Variants in STK31 observed in about 807,000 individuals in gnomAD.
STK31 encodes serine/threonine kinase 31.
Under a neutral mutation model 129.7 loss-of-function variants are expected in STK31, and 89 were observed. The ratio of observed to expected loss-of-function variants is 0.69; its 90% confidence interval spans 0.58 to 0.82. The LOEUF (loss-of-function observed/expected upper bound fraction) is 0.82, where lower values mean the gene tolerates loss of function less well. Ranked by LOEUF, STK31 falls within the 40% of genes least tolerant of loss-of-function variation. STK31 has a pLI of 0.00. For synonymous variants in STK31, 448 were observed against 395.3 expected (o/e 1.13, Z -1.58); for missense variants, 1,187 against 1,176.4 (o/e 1.01, Z -0.13).
At chr7:23,787,473 G>A (rs1190079610) in intron 20 of STK31, among the ~76,000 whole-genome samples, 2 of 152,094 alleles carry the variant, frequency 1.3e-5, no homozygotes, top group South Asian at 2.1e-4. Flanking sequence ...TTAAGAACAG[G>A]GCGGCACAGC....
rs191445236 is a variant in STK31 at position 23,761,513 on chromosome 7, C to T, written c.1294-1288C>T. 9.2e-3 allele frequency among the ~76,000 whole-genome samples: 1,390 copies of T among 150,900 alleles called. 25 individuals carry two copies. Among genetic ancestry groups the T allele is most frequent in the African/African-American group, 0.033 (1,341 of 41,152 alleles). On this transcript the variant is annotated intron_variant, in intron 10 of 23. Transcript: ENST00000355870. ...TCGGCTCACTGCAAGTTCTGCCTTC[C>T]GGGTTCGTGCCATTCTGCTGCCTCA...
intron 22 of STK31, among the ~76,000 whole-genome samples, chr7:23,805,657 AT>A (rs200548733): frequency 0.016 from 2,394 of 150,994 alleles, 83 homozygotes; most frequent in African/African-American, 0.055. Flanking sequence ...TCATTTTTGA[AT>A]TTTTTTTGTA....
At chr7:23,710,126 C>A, upstream of STK31, 1 of 1,323,580 alleles carries the variant, frequency 7.6e-7, no homozygotes, top group Non-Finnish European at 1.0e-6. Flanking sequence ...CCGCACGCTT[C>A]TTCCTAGGCG....
At chr7:23,752,350 AT>A (rs140189040) in intron 8 of STK31, among the ~76,000 whole-genome samples, 56,771 of 140,586 alleles carry the variant, frequency 0.4, 10,526 homozygotes, top group African/African-American at 0.43. Context: ...CAAATTTGGA[AT>A]TTTTTTTTTT....
chr7:23,754,111 TATTAA>T (rs769387055), intron 9 of STK31, among the ~76,000 whole-genome samples, 199 bp from the exon 10 acceptor site: 80 of 152,342 alleles, frequency 5.3e-4, no homozygotes, highest in Non-Finnish European at 1.0e-3. Context: ...TAAAAGTTTA[TATTAA>T]ATTATGCATG....
chr7:23,774,657 G>T (rs947965123), intron 15 of STK31, among the ~76,000 whole-genome samples: 1 of 151,966 alleles, frequency 6.6e-6, no homozygotes, highest in African/African-American at 2.4e-5. Flanking sequence ...TGTTTAAGTC[G>T]TGGTAGATTC....
intron 23 of STK31, among the ~76,000 whole-genome samples, chr7:23,830,592 TTGTGTGTGTGTGTGTGTGTG>T (rs3034048): frequency 7.0e-6 from 1 of 142,140 alleles, no homozygotes; most frequent in Admixed American, 7.0e-5. Context: ...AATTTCCATG[TTGTGTGTGTGTGTGTGTGTG>T]TGTGTGTGTG....
chr7:23,742,995 C>T (rs1242673999), intron 8 of STK31, among the ~76,000 whole-genome samples: 1 of 149,656 alleles, frequency 6.7e-6, no homozygotes, highest in Admixed American at 6.7e-5. Flanking sequence ...CTCTGTCGCC[C>T]AGGCTGGAGT....
At chr7:23,773,438 A>G (rs1330947237) in intron 15 of STK31, among the ~76,000 whole-genome samples, 2 of 152,092 alleles carry the variant, frequency 1.3e-5, no homozygotes, top group African/African-American at 4.8e-5. Context: ...TATCCACTCA[A>G]TCATTGGTGG....
At chr7:23,831,329 G>T (rs1313420243) in intron 23 of STK31, among the ~76,000 whole-genome samples, 1 of 152,032 alleles carries the variant, frequency 6.6e-6, no homozygotes, top group East Asian at 1.9e-4. Context: ...ACATTCTCTT[G>T]CTGAATTGAT....
Position 23,771,167 on chromosome 7 carries a change from T to G in STK31, c.1833+43T>G, listed in dbSNP as rs559808931. On this transcript the variant is annotated intron_variant, in intron 14 of 23. Transcript: ENST00000355870. ...CTTATTGATCTTATAAATTGATGAT[T>G]TGAATTTTTCAGTACTTAAATTTTT... 1.7e-5 allele frequency: 26 copies of G among 1,488,726 alleles called. No homozygotes were observed. In the South Asian group the frequency reaches 3.3e-4, roughly 19 times the overall value. The allele number at this position is 1,488,726 out of a possible 1,614,324, so 92.2% of individuals were successfully genotyped here.
At chr7:23,779,884 T>C (rs1202214584) in intron 15 of STK31, among the ~76,000 whole-genome samples, 1 of 152,172 alleles carries the variant, frequency 6.6e-6, no homozygotes, top group African/African-American at 2.4e-5. Context: ...AAGGGGGGTA[T>C]GAATAAATAT....
At chr7:23,798,828 A>G (rs1046502091) in intron 22 of STK31, among the ~76,000 whole-genome samples, 4 of 152,220 alleles carry the variant, frequency 2.6e-5, no homozygotes, top group African/African-American at 9.6e-5. Context: ...AGATGACATG[A>G]TTGTATATTT....
At chr7:23,739,376 C>A (rs549624967) in intron 8 of STK31, among the ~76,000 whole-genome samples, 1 of 152,194 alleles carries the variant, frequency 6.6e-6, no homozygotes, top group South Asian at 2.1e-4. Flanking sequence ...GATATTAGCC[C>A]TTTGTCAGAT....
chr7:23,780,789 G>A (rs1312696879), intron 15 of STK31, among the ~76,000 whole-genome samples: 1 of 152,174 alleles, frequency 6.6e-6, no homozygotes, highest in Non-Finnish European at 1.5e-5. Context: ...AGACCCATAA[G>A]GAATTTCCTA....
chr7:23,803,943 A>G (rs1792534339), intron 22 of STK31, among the ~76,000 whole-genome samples: 1 of 152,200 alleles, frequency 6.6e-6, no homozygotes, highest in Non-Finnish European at 1.5e-5. Context: ...TGTTTTCTAG[A>G]AGCCAGTTTT....
At chr7:23,764,140 A>G (rs1006850480) in intron 11 of STK31, among the ~76,000 whole-genome samples, 2 of 152,242 alleles carry the variant, frequency 1.3e-5, no homozygotes, top group Admixed American at 6.5e-5. Flanking sequence ...CATAAATAGT[A>G]TAAGTTCTTC....
At chr7:23,769,323 A>G (rs1790035176) in intron 12 of STK31, 149 bp downstream of exon 12, 2 of 708,712 alleles carry the variant, frequency 2.8e-6, no homozygotes, top group East Asian at 3.1e-5. Flanking sequence ...GTTCTTTATT[A>G]GCTTTTAGTC....
intron 4 of STK31, among the ~76,000 whole-genome samples, chr7:23,725,299 C>T (rs1461113723): frequency 1.4e-5 from 2 of 140,258 alleles, no homozygotes; most frequent in Admixed American, 7.9e-5. Context: ...CTTTGGGAGG[C>T]CGAGGCAGGA....
Sources: gnomAD v4.1 joint callset for allele counts (sites outside exome capture counted in the v4.1 genomes callset) on GRCh38, gnomAD v4.1.1 for gene constraint, MANE v1.5 for transcripts, NCBI Gene and HGNC (gene_info 2026-07-23, HGNC 2026-07-21) for gene names.